The following MEF2C variants were observed in gnomAD, a reference collection of about 807,000 sequenced individuals.
MEF2C encodes myocyte-specific enhancer factor 2C.
MEF2C carries 6 observed loss-of-function variants against 50.5 expected under a neutral mutation model. The observed-to-expected ratio is 0.12, with a 90% CI of 0.07 to 0.23. MEF2C has a LOEUF of 0.23. MEF2C is among the 10% of genes least tolerant of loss of function. The pLI is 1.00. For missense variants in MEF2C, 276 were observed against 605.0 expected (o/e 0.46, Z 5.70); for synonymous variants, 183 against 228.0 (o/e 0.80, Z 1.78).
intron 6 of MEF2C, chr5:88,736,779 G>A: frequency 3.0e-6 from 3 of 985,358 alleles, no homozygotes; most frequent in Non-Finnish European, 3.6e-6. Flanking sequence ...ACTGTCTACA[G>A]TTGACACACT....
chr5:88,807,588 T>C (rs1801040695), intron 2 of MEF2C, among the ~76,000 whole-genome samples: 1 of 152,204 alleles, frequency 6.6e-6, no homozygotes, highest in African/African-American at 2.4e-5. Flanking sequence ...AAACAGAGAT[T>C]TATACCTACT....
Position 88,720,670 on chromosome 5 carries a change from G to A in MEF2C, c.*1934C>T, listed in dbSNP as rs1756026436. The A allele has an allele frequency of 6.6e-6, 1 of 152,540 alleles. No individual in the cohort carries two copies. Among genetic ancestry groups the A allele is most frequent in the Non-Finnish European group, 1.5e-5 (1 of 68,008 alleles). 9.4% of individuals were successfully genotyped at this position (152,540 alleles called of 1,614,324 possible). On this transcript the variant is annotated 3_prime_UTR_variant, in exon 11 of 11. Coordinates refer to ENST00000504921, the MANE Select transcript of MEF2C (RefSeq NM_002397.5). ...ACAGATCTTCACATTCCAAGAGAAGGAAAATCTTTCCTAGACTGAAATATC... is the reference window on the plus strand; with the variant it reads ...ACAGATCTTCACATTCCAAGAGAAGAAAAATCTTTCCTAGACTGAAATATC...
chr5:88,748,888 C>T, intron 6 of MEF2C, 182 bp downstream of exon 6: 1 of 985,278 alleles, frequency 1.0e-6, no homozygotes, highest in Non-Finnish European at 1.2e-6. Context: ...AAATAGTTTT[C>T]TTCTAAGTTA....
At chr5:88,796,979 G>A (rs944951087) in intron 3 of MEF2C, among the ~76,000 whole-genome samples, 4 of 152,186 alleles carry the variant, frequency 2.6e-5, no homozygotes, top group African/African-American at 9.7e-5. Flanking sequence ...TTGCATTGTG[G>A]TCTGAGAGAC....
Position 88,877,610 on chromosome 5 carries a change from G to A in MEF2C, c.-143+5345C>T, listed in dbSNP as rs765571599. ...ACAAAAGAACATCAATGCCATCTTCGTATTCTTAAAAGAGAGGGGTAAGGA... is the reference window on the plus strand; with the variant it reads ...ACAAAAGAACATCAATGCCATCTTCATATTCTTAAAAGAGAGGGGTAAGGA... On this transcript the variant is annotated intron_variant, in intron 1 of 10. Coordinates refer to ENST00000504921, the MANE Select transcript of MEF2C (RefSeq NM_002397.5). 3.3e-5 allele frequency among the ~76,000 whole-genome samples: 5 copies of A among 151,726 alleles called. No individual in the cohort carries two copies. In the East Asian group the frequency reaches 5.8e-4, roughly 18 times the overall value.
intron 3 of MEF2C, among the ~76,000 whole-genome samples, chr5:88,791,991 G>C (rs1445674010): frequency 6.6e-6 from 1 of 151,816 alleles, no homozygotes; most frequent in Non-Finnish European, 1.5e-5. Context: ...TTAACAGAGG[G>C]GAGGGTAGAC....
chr5:88,738,937 C>G (rs1765258534), intron 6 of MEF2C: 1 of 983,630 alleles, frequency 1.0e-6, no homozygotes, highest in South Asian at 4.7e-5. Flanking sequence ...ACCAGAGTAG[C>G]TGTTTAACTT....
chr5:88,871,610 T>C (rs1829538023), intron 1 of MEF2C, among the ~76,000 whole-genome samples: 1 of 152,080 alleles, frequency 6.6e-6, no homozygotes, highest in Non-Finnish European at 1.5e-5. Context: ...GCATGTCTCA[T>C]CAATATTACC....
At chr5:88,843,729 A>G (rs957559018) in intron 1 of MEF2C, among the ~76,000 whole-genome samples, 1 of 152,180 alleles carries the variant, frequency 6.6e-6, no homozygotes, top group Non-Finnish European at 1.5e-5. Flanking sequence ...AACACAGAAG[A>G]AAAAAATCTG....
chr5:88,774,447 C>G (rs1276803429), intron 3 of MEF2C, among the ~76,000 whole-genome samples: 1 of 151,910 alleles, frequency 6.6e-6, no homozygotes, highest in Non-Finnish European at 1.5e-5. Flanking sequence ...CTCAGCTTCC[C>G]GAGTAGCTGG....
At chr5:88,865,654 C>G (rs1305413879) in intron 1 of MEF2C, among the ~76,000 whole-genome samples, 1 of 151,996 alleles carries the variant, frequency 6.6e-6, no homozygotes, top group Admixed American at 6.5e-5. Flanking sequence ...TCCAAAGAGA[C>G]AGAATTCAAA....
At chr5:88,746,956 C>G (rs1473984416) in intron 6 of MEF2C, among the ~76,000 whole-genome samples, 1 of 152,154 alleles carries the variant, frequency 6.6e-6, no homozygotes, top group Non-Finnish European at 1.5e-5. Flanking sequence ...TTTATTATCA[C>G]CAGGGTGGAG....
intron 1 of MEF2C, among the ~76,000 whole-genome samples, chr5:88,898,443 C>T (rs1340510744): frequency 6.6e-6 from 1 of 152,086 alleles, no homozygotes; most frequent in Non-Finnish European, 1.5e-5. Flanking sequence ...TAAGTGACTC[C>T]CAAACATTTT....
intron 3 of MEF2C, among the ~76,000 whole-genome samples, chr5:88,777,899 C>CTTTTTTTTTTTTTTTTTTTTTT (rs57841792): frequency 1.3e-5 from 1 of 77,320 alleles, no homozygotes. Flanking sequence ...TTTTTCTTTT[C>CTTTTTTTTTTTTTTTTTTTTTT]TTTTTTTTTT....
intron 3 of MEF2C, among the ~76,000 whole-genome samples, chr5:88,788,581 T>A (rs1445100198): frequency 1.3e-5 from 2 of 152,200 alleles, no homozygotes; most frequent in Non-Finnish European, 2.9e-5. Context: ...ACAGAGGGTT[T>A]CTTTCATAAT....
rs952736382 is a variant in MEF2C, at chr5:88,796,138, A to T, written c.258+8460T>A. On this transcript the variant is annotated intron_variant, in intron 3 of 10. Transcript: ENST00000504921. ...GTCTCTGCCTGGTTTTGGCAACAGG[A>T]TGATGCTGGCCTCATAAAATGGGTT... Among the ~76,000 whole-genome samples, 4 of 152,166 alleles carry T rather than the reference A, an allele frequency of 2.6e-5. No individual in the cohort carries two copies. In the South Asian group the frequency reaches 8.3e-4, roughly 32 times the overall value.
intron 6 of MEF2C, chr5:88,737,291 T>C: frequency 1.0e-6 from 1 of 985,380 alleles, no homozygotes; most frequent in Non-Finnish European, 1.2e-6. Flanking sequence ...ATCTACCATA[T>C]ATATGAAAGC....
rs150488219 is a variant in MEF2C at position 88,877,014 on chromosome 5, A to G, written c.-143+5941T>C. On this transcript the variant is annotated intron_variant, in intron 1 of 10. Coordinates refer to ENST00000504921, the MANE Select transcript of MEF2C (RefSeq NM_002397.5). ...AACAAGTTTTGGGTACTTAATTTAA[A>G]TCACTGCTTGAGGACTTGCACTGTC... Among the ~76,000 whole-genome samples, 336 of 152,140 alleles carry G rather than the reference A, an allele frequency of 2.2e-3. 1 individual carries two copies. The highest frequency in any genetic ancestry group is 3.5e-3 in the Non-Finnish European group (237 of 67,920).
At chr5:88,802,704 C>T (rs1398866506) in intron 3 of MEF2C, among the ~76,000 whole-genome samples, 1 of 152,208 alleles carries the variant, frequency 6.6e-6, no homozygotes, top group Admixed American at 6.5e-5. Context: ...CCACCTAGGC[C>T]TCCCAAAGTG....
Sources: allele counts gnomAD v4.1 joint callset (sites outside exome capture counted in the v4.1 genomes callset), GRCh38; gene constraint gnomAD v4.1.1; transcripts MANE v1.5; gene names NCBI Gene and HGNC (gene_info 2026-07-23, HGNC 2026-07-21).